Variants in UGGT1 observed in about 807,000 individuals in gnomAD.
UGGT1 encodes the protein UDP-glucose:glycoprotein glucosyltransferase 1.
UGGT1 carries 107 observed loss-of-function variants against 203.9 expected under a neutral mutation model. The ratio of observed to expected loss-of-function variants is 0.52; its 90% CI spans 0.45 to 0.62. The LOEUF is 0.62. Among genes scored for constraint, UGGT1 ranks in the 20% least tolerant of loss-of-function variants. UGGT1 has a pLI of 0.00. For synonymous variants in UGGT1, 628 were observed against 653.5 expected, an observed-to-expected ratio of 0.96 and a Z score of 0.59; for missense variants, 1,673 against 1,867.2, an observed-to-expected ratio of 0.90 and a Z score of 1.92.
chr2:128,164,628 C>A, intron 25 of UGGT1, 102 bp from the exon 26 acceptor site: 3 of 936,426 alleles, frequency 3.2e-6, no homozygotes, highest in East Asian at 2.6e-5. Flanking sequence ...TTGTTCAAAC[C>A]ATCTTGTTAG....
chr2:128,183,891 G>A (rs1691836164), intron 38 of UGGT1, 102 bp downstream of exon 38: 3 of 771,570 alleles, frequency 3.9e-6, no homozygotes, highest in Non-Finnish European at 6.4e-6. Context: ...CTCACAGGAT[G>A]GCGTCTTGTT....
intron 20 of UGGT1, among the ~76,000 whole-genome samples, chr2:128,155,952 A>G (rs1362178117): frequency 1.3e-5 from 2 of 152,236 alleles, no homozygotes; most frequent in African/African-American, 4.8e-5. Context: ...GGTTTATAAG[A>G]TAAAGTTGGT....
Position 128,113,073 on chromosome 2 carries a change from T to C in UGGT1, c.522-11T>C. ...TTTTTAAAGTTTTGAGCTTTTATTA[T>C]TTATTTTCAGACCCAAACCTTTATT... On this transcript the variant is annotated splice_polypyrimidine_tract_variant and intron_variant, in intron 5 of 40. Coordinates refer to ENST00000259253, the MANE Select transcript of UGGT1 (RefSeq NM_020120.4). 1 of 1,465,990 alleles carries C rather than the reference T, an allele frequency of 6.8e-7. No homozygotes were observed. Among genetic ancestry groups the C allele is most frequent in the Non-Finnish European group, 9.1e-7 (1 of 1,101,322 alleles). The allele number at this position is 1,465,990 out of a possible 1,614,324, so 90.8% of individuals were successfully genotyped here. A position where few individuals can be genotyped will look rare whatever the true frequency, so the allele number is the denominator to read the frequency against.
intron 18 of UGGT1, among the ~76,000 whole-genome samples, chr2:128,147,956 A>G (rs955639176): frequency 6.6e-6 from 1 of 152,220 alleles, no homozygotes; most frequent in Admixed American, 6.5e-5. Context: ...GGAATTTGAA[A>G]TAATATAATG....
Position 128,152,767 on chromosome 2 carries a change from C to CTTT in UGGT1, c.2017-10_2017-8dup. 1 of 1,572,468 alleles carries CTTT rather than the reference C, an allele frequency of 6.4e-7. No homozygotes were observed. ...TGCTTTACCCTCCCCCCTCAACCTCCTTTTTTTTTCTTGCAGGGTGAACTG... is the reference window on the plus strand; with the variant it reads ...TGCTTTACCCTCCCCCCTCAACCTCCTTTTTTTTTTTTCTTGCAGGGTGAACTG... On this transcript the variant is annotated splice_polypyrimidine_tract_variant and intron_variant, in intron 18 of 40. Coordinates refer to ENST00000259253, the MANE Select transcript of UGGT1 (RefSeq NM_020120.4).
intron 25 of UGGT1, among the ~76,000 whole-genome samples, chr2:128,164,072 G>A (rs1690661256): frequency 6.6e-6 from 1 of 152,038 alleles, no homozygotes; most frequent in Non-Finnish European, 1.5e-5. Flanking sequence ...CCAGCCAGTC[G>A]GGAGGCTGAG....
At chr2:128,156,643 C>T (rs959679033) in intron 21 of UGGT1, among the ~76,000 whole-genome samples, 3 of 151,356 alleles carry the variant, frequency 2.0e-5, no homozygotes, top group Non-Finnish European at 2.9e-5. Context: ...CTGCAAGCTC[C>T]GCCTTCTGGG....
chr2:128,125,939 A>G (rs958396616), intron 11 of UGGT1, among the ~76,000 whole-genome samples: 1 of 145,772 alleles, frequency 6.9e-6, no homozygotes, highest in South Asian at 2.2e-4. Context: ...GCATAAATAT[A>G]TACTTTTTTT....
intron 4 of UGGT1, among the ~76,000 whole-genome samples, 200 bp downstream of exon 4, chr2:128,108,268 ATATC>A (rs10608863): frequency 0.42 from 64,458 of 151,930 alleles, 14,019 homozygotes; most frequent in East Asian, 0.65. Flanking sequence ...AAATAAAAGA[ATATC>A]TATATAGAAA....
intron 5 of UGGT1, among the ~76,000 whole-genome samples, chr2:128,112,513 A>G (rs1687919080): frequency 7.5e-6 from 1 of 133,060 alleles, no homozygotes; most frequent in Non-Finnish European, 1.6e-5. Flanking sequence ...TCATTTGAAT[A>G]TGTATCCTGT....
Position 128,133,271 on chromosome 2 carries a change from CT to C in UGGT1, c.1497+13del. The stretch of plus-strand genomic sequence containing the variant: ...AACTTACATAATATGGTAAGTAAAA[CT>C]TATTGTCTGGCTGTGAACTCTGTTT... On this transcript the variant is annotated intron_variant, in intron 14 of 40. Transcript: ENST00000259253. 1 of 1,610,086 alleles carries C rather than the reference CT, an allele frequency of 6.2e-7. No individual in the cohort carries two copies. The highest frequency in any genetic ancestry group is 1.7e-4 in the Middle Eastern group (1 of 6,052).
rs1223530954 is a variant in UGGT1 at position 128,123,251 on chromosome 2, T to G, written c.1134+5T>G. On this transcript the variant is annotated splice_donor_5th_base_variant and intron_variant, in intron 11 of 40. Transcript: ENST00000259253. ...GAAGTGGAAGAGAATCAGAAGGTAT[T>G]CACCGATAGAAAATACTGACCTGTT... 1.2e-6 allele frequency: 2 copies of G among 1,611,972 alleles called. No individual in the cohort carries two copies. The highest frequency in any genetic ancestry group is 1.7e-6 in the Non-Finnish European group (2 of 1,178,866).
At chr2:128,118,008 GAGAGAGA>G in intron 8 of UGGT1, among the ~76,000 whole-genome samples, 1 of 151,666 alleles carries the variant, frequency 6.6e-6, no homozygotes, top group Non-Finnish European at 1.5e-5. Context: ...GAGAGAGAGA[GAGAGAGA>G]GGGAAAGAGA....
At chr2:128,177,767 C>A in intron 32 of UGGT1, 65 bp from the exon 33 acceptor site, 2 of 1,337,386 alleles carry the variant, frequency 1.5e-6, no homozygotes, top group Non-Finnish European at 2.1e-6. Context: ...AGTGTATATC[C>A]AGTGAGAGGC....
intron 25 of UGGT1, 70 bp from the exon 26 acceptor site, chr2:128,164,660 A>T: frequency 7.8e-7 from 1 of 1,277,284 alleles, no homozygotes; most frequent in South Asian, 1.2e-5. Context: ...TGGGCTGATG[A>T]TATGTTTGGC....
chr2:128,113,724 T>TAA lies in UGGT1; in HGVS notation c.696+467_696+468dup, dbSNP rs1687973205. The stretch of plus-strand genomic sequence containing the variant: ...GGCCGGGCGCGGTGGCTCACGCCTG[T>TAA]AATCCCAGCACTTTGGGAGGCCGAG... On this transcript the variant is annotated intron_variant, in intron 6 of 40. Coordinates refer to ENST00000259253, the MANE Select transcript of UGGT1 (RefSeq NM_020120.4). Among the ~76,000 whole-genome samples, 2 of 3,108 alleles carry TAA rather than the reference T, an allele frequency of 6.4e-4. 1 individual carries two copies. The highest frequency in any genetic ancestry group is 0.037 in the Non-Finnish European group (2 of 54). 2.0% of individuals were successfully genotyped at this position (3,108 alleles called of 152,430 possible).
At chr2:128,093,335 T>G (rs1254010045) in intron 1 of UGGT1, among the ~76,000 whole-genome samples, 7 of 152,188 alleles carry the variant, frequency 4.6e-5, no homozygotes, top group Admixed American at 2.0e-4. Context: ...TCCTGTTGTT[T>G]CCATTCATGC....
intron 40 of UGGT1, among the ~76,000 whole-genome samples, chr2:128,189,362 C>T (rs1337975877): frequency 6.6e-6 from 1 of 152,060 alleles, no homozygotes; most frequent in Non-Finnish European, 1.5e-5. Context: ...ACAGTTTAAA[C>T]ATCCAAGAAT....
chr2:128,167,204 A>G (rs190908723), intron 26 of UGGT1, among the ~76,000 whole-genome samples: 3 of 152,276 alleles, frequency 2.0e-5, no homozygotes, highest in Non-Finnish European at 4.4e-5. Flanking sequence ...TTCTTGCCCA[A>G]GGTAGCGAGT....
Sources: allele counts gnomAD v4.1 joint callset (sites outside exome capture counted in the v4.1 genomes callset), GRCh38; gene constraint gnomAD v4.1.1; transcripts MANE v1.5; gene names NCBI Gene and HGNC (gene_info 2026-07-23, HGNC 2026-07-21).